PNLIPRP3: variants seen among roughly 807,000 people sequenced by gnomAD.
The protein encoded by PNLIPRP3 is pancreatic lipase-related protein 3.
Under a neutral mutation model 52.8 loss-of-function variants are expected in PNLIPRP3, and 58 were observed. That is an observed-to-expected ratio of 1.10 (90% CI 0.89 to 1.37). The LOEUF is 1.37. PNLIPRP3 is among the 40% of genes most tolerant of loss of function. PNLIPRP3 has a pLI of 0.00. For missense variants in PNLIPRP3, 593 were observed against 561.6 expected (o/e 1.06, Z -0.57); for synonymous variants, 192 against 185.0 (o/e 1.04, Z -0.31).
intron 2 of PNLIPRP3, among the ~76,000 whole-genome samples, chr10:116,439,295 C>T (rs921062047): frequency 1.3e-5 from 2 of 152,160 alleles, no homozygotes; most frequent in African/African-American, 4.8e-5. Flanking sequence ...TCTTGTAAAC[C>T]ACTGACTATT....
chr10:116,451,409 C>T (rs1447839066), intron 4 of PNLIPRP3, among the ~76,000 whole-genome samples: 2 of 152,098 alleles, frequency 1.3e-5, no homozygotes, highest in African/African-American at 4.8e-5. Context: ...TCACAGGCAG[C>T]AAAAGCAAAA....
At chr10:116,461,638 G>C (rs1261290776) in intron 7 of PNLIPRP3, among the ~76,000 whole-genome samples, 1 of 152,150 alleles carries the variant, frequency 6.6e-6, no homozygotes, top group Non-Finnish European at 1.5e-5. Context: ...AAAGACAAAG[G>C]TGCCTCCCTG....
intron 4 of PNLIPRP3, among the ~76,000 whole-genome samples, chr10:116,452,347 T>G (rs1414710137): frequency 6.6e-6 from 1 of 152,202 alleles, no homozygotes; most frequent in East Asian, 1.9e-4. Context: ...TTTGGAAAAT[T>G]TGCAGCCTAG....
In PNLIPRP3 at chr10:116,432,980, G is replaced by A. The variant is rs1845727746; in HGVS notation, c.50-3731G>A. ...ATACAAAAAATTAGCCAGGTGTGGAGGTGCACACCTGTAATCCCAGCTACG... is the reference window on the plus strand; with the variant it reads ...ATACAAAAAATTAGCCAGGTGTGGAAGTGCACACCTGTAATCCCAGCTACG... On this transcript the variant is annotated intron_variant, in intron 1 of 11. Transcript: ENST00000369230. 2.0e-5 allele frequency among the ~76,000 whole-genome samples: 3 copies of A among 151,604 alleles called. No homozygotes were observed. The South Asian group carries it at 6.3e-4, about 32-fold the overall frequency.
intron 4 of PNLIPRP3, among the ~76,000 whole-genome samples, chr10:116,448,872 T>C (rs1845994513): frequency 6.6e-6 from 1 of 151,988 alleles, no homozygotes; most frequent in Admixed American, 6.6e-5. Context: ...AAAAATTAGC[T>C]GGCCATACTG....
In PNLIPRP3 at chr10:116,436,741, G is replaced by T. The variant is rs1415981252; in HGVS notation, c.80G>T (p.Cys27Phe). The stretch of plus-strand genomic sequence containing the variant: ...GAAGTTTGCTATGAAAGGTTAGGGT[G>T]TTTCAAAGATGGTTTACCATGGACC... ...GKEVCYERLGCFKDGLPWTRT... is the reference protein window; with the variant it reads ...GKEVCYERLGFFKDGLPWTRT... Residue 27 changes from cysteine to phenylalanine, a missense_variant, in exon 2 of 12, where the codon TGT (cysteine) becomes TTT (phenylalanine). Transcript: ENST00000369230. 1 of 1,612,970 alleles carries T rather than the reference G, an allele frequency of 6.2e-7. No individual in the cohort carries two copies. The highest frequency in any genetic ancestry group is 1.7e-5 in the Admixed American group (1 of 59,902).
chr10:116,449,991 AAAC>A (rs1375434834), intron 4 of PNLIPRP3, among the ~76,000 whole-genome samples: 1 of 152,230 alleles, frequency 6.6e-6, no homozygotes, highest in Non-Finnish European at 1.5e-5. Flanking sequence ...GAAAACTTTT[AAAC>A]AACCAATGGG....
chr10:116,450,398 T>C (rs7071213), intron 4 of PNLIPRP3, among the ~76,000 whole-genome samples: 123,233 of 152,068 alleles, frequency 0.81, 53,029 homozygotes, highest in Non-Finnish European at 0.97. Flanking sequence ...TGGATACCCC[T>C]GAACTAGATA....
At chr10:116,470,723 T>A (rs1193243574) in intron 9 of PNLIPRP3, among the ~76,000 whole-genome samples, 6 of 152,054 alleles carry the variant, frequency 3.9e-5, no homozygotes, top group African/African-American at 1.4e-4. Context: ...TTAGCCAGGA[T>A]GGTCTCCATC....
intron 8 of PNLIPRP3, among the ~76,000 whole-genome samples, chr10:116,468,663 C>T (rs1182168460): frequency 6.6e-6 from 1 of 152,098 alleles, no homozygotes; most frequent in Non-Finnish European, 1.5e-5. Flanking sequence ...AAGGACTGTT[C>T]TTTTGTGTGC....
chr10:116,457,056 T>C (rs1846125998), intron 5 of PNLIPRP3, among the ~76,000 whole-genome samples: 1 of 152,254 alleles, frequency 6.6e-6, no homozygotes, highest in African/African-American at 2.4e-5. Context: ...CAGTTTTTCA[T>C]GCTCTGTGCC....
Position 116,461,218 on chromosome 10 carries a change from G to A in PNLIPRP3, c.736G>A (p.Gly246Arg). 4.3e-6 allele frequency: 7 copies of A among 1,614,048 alleles called. No homozygotes were observed. The highest frequency in any genetic ancestry group is 5.9e-6 in the Non-Finnish European group (7 of 1,179,926). ...TCATCTTGACTTTTACCCAAATGGA[G>A]GGAAGCACATGCCAGGATGTGAAGA... ...CGHLDFYPNGGKHMPGCEDLI... is the reference protein window; with the variant it reads ...CGHLDFYPNGRKHMPGCEDLI... The change falls in exon 7 of 12, where the codon GGG (glycine) becomes AGG (arginine). Residue 246 changes from glycine (G) to arginine (R), a missense_variant. Transcript: ENST00000369230.
intron 9 of PNLIPRP3, 56 bp from the exon 10 acceptor site, chr10:116,471,712 T>C: frequency 7.5e-7 from 1 of 1,326,812 alleles, no homozygotes; most frequent in Admixed American, 1.7e-5. Context: ...GAAGTCATAC[T>C]TCCCATGTGT....
intron 4 of PNLIPRP3, among the ~76,000 whole-genome samples, chr10:116,452,471 T>C (rs1236361930): frequency 6.6e-6 from 1 of 152,154 alleles, no homozygotes; most frequent in Non-Finnish European, 1.5e-5. Context: ...GGTGCTACTA[T>C]CCAAGACAAT....
At chr10:116,444,568 C>A (rs1301152569) in intron 4 of PNLIPRP3, 55 bp downstream of exon 4, 4 of 1,522,978 alleles carry the variant, frequency 2.6e-6, no homozygotes, top group Non-Finnish European at 3.6e-6. Flanking sequence ...GATATTAACA[C>A]TCAGAAGTTG....
chr10:116,450,939 A>G (rs1846025895), intron 4 of PNLIPRP3, among the ~76,000 whole-genome samples: 4 of 152,166 alleles, frequency 2.6e-5, no homozygotes, highest in Admixed American at 1.3e-4. Flanking sequence ...AATAGTAAAA[A>G]CAATTGTGAA....
chr10:116,451,737 T>C (rs35151131), intron 4 of PNLIPRP3, among the ~76,000 whole-genome samples: 2,077 of 152,338 alleles, frequency 0.014, 20 homozygotes, highest in Middle Eastern at 0.027. Context: ...GCTGGCACTA[T>C]GCTTTATGTA....
rs1289253527 is a variant in PNLIPRP3, at chr10:116,469,234, T to G, written c.977T>G (p.Phe326Cys). ...SKEGCPTMGH[F>C]ADRFHFKNMK... The stretch of plus-strand genomic sequence containing the variant: ...GAAGGTTGCCCAACAATGGGTCATT[T>G]TGCTGATAGATTTCACTTCAAAAAT... Residue 326 changes from phenylalanine (F) to cysteine (C), a missense_variant, in exon 9 of 12, where the codon TTT becomes TGT. By Grantham distance (205) the Phe-to-Cys change is radical. Coordinates refer to ENST00000369230, the MANE Select transcript of PNLIPRP3 (RefSeq NM_001011709.3). 6.2e-7 allele frequency: 1 copy of G among 1,612,552 alleles called. No homozygotes were observed. The highest frequency in any genetic ancestry group is 1.1e-5 in the South Asian group (1 of 90,516).
rs1589977795 is a variant in PNLIPRP3, at chr10:116,442,940, G to A, written c.205-115G>A. 8 of 681,304 alleles carry A rather than the reference G, an allele frequency of 1.2e-5. No individual in the cohort carries two copies. The East Asian group carries it at 2.8e-4, about 24-fold the overall frequency. 42.2% of individuals were successfully genotyped at this position (681,304 alleles called of 1,614,324 possible). A position where few individuals can be genotyped will look rare whatever the true frequency, so the allele number is the denominator to read the frequency against. On this transcript the variant is annotated intron_variant, in intron 2 of 11. Transcript: ENST00000369230. ...TATTTAGTAAAAATATATTAAAGAA[G>A]GTTGCTAAAGATCAAATTTAGTGAA...
Sources: allele counts gnomAD v4.1 joint callset (sites outside exome capture counted in the v4.1 genomes callset), GRCh38; gene constraint gnomAD v4.1.1; transcripts MANE v1.5; gene names NCBI Gene and HGNC (gene_info 2026-07-23, HGNC 2026-07-21).